Variants in SOX5 observed in about 807,000 individuals in gnomAD.
The protein encoded by SOX5 is transcription factor SOX-5.
A neutral mutation model predicts 92.0 loss-of-function variants in SOX5; 9 were observed. The ratio of observed to expected loss-of-function variants is 0.10; its 90% CI spans 0.06 to 0.17. The LOEUF is 0.17. SOX5 is among the 10% of genes least tolerant of loss of function. The pLI, the probability that SOX5 is intolerant of heterozygous loss-of-function variation, is 1.00. For missense variants in SOX5, 642 were observed against 944.5 expected (o/e 0.68, Z 4.20); for synonymous variants, 344 against 336.3 (o/e 1.02, Z -0.25).
chr12:23,805,773 A>G (rs1257929009), intron 3 of SOX5, among the ~76,000 whole-genome samples: 2 of 152,182 alleles, frequency 1.3e-5, no homozygotes, highest in Non-Finnish European at 2.9e-5. Flanking sequence ...ATCTAAGTGA[A>G]AGTTTTAGCA....
intron 2 of SOX5, among the ~76,000 whole-genome samples, chr12:23,868,226 G>A (rs964796986): frequency 1.3e-5 from 2 of 151,980 alleles, no homozygotes; most frequent in African/African-American, 4.8e-5. Flanking sequence ...GCAATGAACT[G>A]TTCTATTTCA....
chr12:23,804,915 T>TTTTA (rs1168376435), intron 3 of SOX5, among the ~76,000 whole-genome samples: 1 of 75,048 alleles, frequency 1.3e-5, no homozygotes, highest in Non-Finnish European at 2.6e-5. Flanking sequence ...TATCATTGTT[T>TTTTA]TATATATATA....
At chr12:23,779,788 AATATAT>A (rs1172787679) in intron 3 of SOX5, among the ~76,000 whole-genome samples, 28 of 110,526 alleles carry the variant, frequency 2.5e-4, no homozygotes, top group Admixed American at 8.2e-4. Flanking sequence ...CACAGATTAA[AATATAT>A]ATATATATAT....
intron 4 of SOX5, among the ~76,000 whole-genome samples, chr12:24,157,378 C>T (rs184571765): frequency 4.6e-5 from 7 of 152,204 alleles, no homozygotes; most frequent in Non-Finnish European, 8.8e-5. Flanking sequence ...TAACATTCCA[C>T]TCTGCAGAAT....
At chr12:24,373,215 C>T (rs1956922451) in intron 1 of SOX5, among the ~76,000 whole-genome samples, 1 of 152,066 alleles carries the variant, frequency 6.6e-6, no homozygotes, top group African/African-American at 2.4e-5. Flanking sequence ...GAATCTCTTC[C>T]AGTAGTTTTT....
intron 4 of SOX5, among the ~76,000 whole-genome samples, chr12:24,168,156 A>G (rs1474420818): frequency 1.3e-5 from 2 of 152,242 alleles, no homozygotes; most frequent in African/African-American, 4.8e-5. Flanking sequence ...CCTGACAAGA[A>G]TAAGACAGTC....
intron 1 of SOX5, among the ~76,000 whole-genome samples, chr12:24,517,593 T>A (rs141791036): frequency 6.6e-6 from 1 of 152,294 alleles, no homozygotes; most frequent in Non-Finnish European, 1.5e-5. Flanking sequence ...TGATAATTAA[T>A]GTCCTTAATG....
intron 4 of SOX5, among the ~76,000 whole-genome samples, chr12:24,190,143 T>C (rs1391344310): frequency 6.6e-6 from 1 of 152,106 alleles, no homozygotes; most frequent in African/African-American, 2.4e-5. Flanking sequence ...GTAACCAAAA[T>C]AGCACAGAAA....
At chr12:24,451,984 T>G (rs61910422) in intron 1 of SOX5, among the ~76,000 whole-genome samples, 122 of 152,352 alleles carry the variant, frequency 8.0e-4, no homozygotes, top group Non-Finnish European at 1.6e-3. Context: ...ACAAAGAGAC[T>G]TAAGAGTTTG....
chr12:24,130,670 C>A (rs936322561), intron 4 of SOX5, among the ~76,000 whole-genome samples: 1 of 152,146 alleles, frequency 6.6e-6, no homozygotes, highest in Non-Finnish European at 1.5e-5. Context: ...TTCAGGAGAA[C>A]AGAGAGGAGG....
intron 4 of SOX5, among the ~76,000 whole-genome samples, chr12:24,086,406 T>A (rs940411859): frequency 1.3e-5 from 2 of 152,084 alleles, no homozygotes; most frequent in African/African-American, 4.8e-5. Context: ...CAAATCTATT[T>A]GCTAGTTTTT....
chr12:23,993,717 G>T (rs551066394), intron 4 of SOX5, among the ~76,000 whole-genome samples: 1 of 152,114 alleles, frequency 6.6e-6, no homozygotes, highest in African/African-American at 2.4e-5. Context: ...AATTTGAGAA[G>T]ACATAGATAT....
intron 7 of SOX5, among the ~76,000 whole-genome samples, chr12:23,648,310 C>T (rs1359773039): frequency 6.6e-6 from 1 of 152,152 alleles, no homozygotes; most frequent in Non-Finnish European, 1.5e-5. Context: ...GTGAAACACA[C>T]TAAAGCAAAA....
chr12:23,767,215 AACAC>A (rs35485466), intron 3 of SOX5, among the ~76,000 whole-genome samples: 1,961 of 137,806 alleles, frequency 0.014, 30 homozygotes, highest in African/African-American at 0.045. Context: ...AAAAAACAGA[AACAC>A]ACACACACAC....
chr12:23,879,135 T>C (rs909692646), intron 2 of SOX5, among the ~76,000 whole-genome samples: 1 of 152,158 alleles, frequency 6.6e-6, no homozygotes, highest in Admixed American at 6.6e-5. Flanking sequence ...GTATATGTAT[T>C]AAACAAATAG....
At chr12:24,298,557 T>C (rs1472008640) in intron 2 of SOX5, among the ~76,000 whole-genome samples, 2 of 152,194 alleles carry the variant, frequency 1.3e-5, no homozygotes, top group East Asian at 3.8e-4. Flanking sequence ...AGAAATGTTA[T>C]ACTCAAATAC....
At chr12:23,958,575 G>C (rs1487383734) in intron 4 of SOX5, among the ~76,000 whole-genome samples, 5 of 151,848 alleles carry the variant, frequency 3.3e-5, no homozygotes, top group Non-Finnish European at 7.4e-5. Flanking sequence ...GTAAGAGGCA[G>C]AAAAACAATT....
intron 4 of SOX5, among the ~76,000 whole-genome samples, chr12:23,982,046 G>A (rs1362999394): frequency 1.3e-5 from 2 of 152,134 alleles, no homozygotes. Flanking sequence ...AGAATATTCT[G>A]TGAAGTATGA....
At chr12:23,618,415 A>C (rs1430935247) in intron 8 of SOX5, among the ~76,000 whole-genome samples, 1 of 152,174 alleles carries the variant, frequency 6.6e-6, no homozygotes, top group African/African-American at 2.4e-5. Flanking sequence ...GGGGGGTAGT[A>C]ATCAAGCCAT....
Sources: gnomAD v4.1 joint callset for allele counts (sites outside exome capture counted in the v4.1 genomes callset) on GRCh38, gnomAD v4.1.1 for gene constraint, MANE v1.5 for transcripts, NCBI Gene and HGNC (gene_info 2026-07-23, HGNC 2026-07-21) for gene names.